The following ADAMTS2 variants were observed in gnomAD, a reference collection of about 807,000 sequenced individuals.
ADAMTS2 encodes ADAM metallopeptidase with thrombospondin type 1 motif 2.
Under a neutral mutation model 123.0 loss-of-function variants are expected in ADAMTS2, and 50 were observed. That is an observed-to-expected ratio of 0.41 (90% CI 0.32 to 0.51). The LOEUF (loss-of-function observed/expected upper bound fraction) is 0.51, where lower values mean the gene tolerates loss of function less well. Ranked by LOEUF, ADAMTS2 falls within the 20% of genes least tolerant of loss-of-function variation. The pLI is 0.35. For synonymous variants in ADAMTS2, 678 were observed against 695.4 expected (o/e 0.98, Z 0.39); for missense variants, 1,494 against 1,705.2 (o/e 0.88, Z 2.18).
At chr5:179,336,167 G>C (rs55837443) in intron 2 of ADAMTS2, among the ~76,000 whole-genome samples, 38,538 of 152,100 alleles carry the variant, frequency 0.25, 4,904 homozygotes, top group Admixed American at 0.3. Context: ...GCGGGTCTCA[G>C]GCCCCGGCCC....
intron 2 of ADAMTS2, among the ~76,000 whole-genome samples, chr5:179,339,534 G>A (rs1167896898): frequency 1.3e-5 from 2 of 152,210 alleles, no homozygotes; most frequent in Non-Finnish European, 2.9e-5. Context: ...CACTTAAACT[G>A]AGCAAGTCTT....
chr5:179,311,741 T>C (rs1439922179), intron 2 of ADAMTS2, among the ~76,000 whole-genome samples: 2 of 151,884 alleles, frequency 1.3e-5, no homozygotes, highest in Non-Finnish European at 2.9e-5. Flanking sequence ...TCTTAGTAAT[T>C]CCCCATCCCC....
chr5:179,225,955 G>A lies in ADAMTS2; in HGVS notation c.689-18240C>T, dbSNP rs369062942. ...AGACAGCTAAAGTAAAAGAGCACAT[G>A]CAGCACACGCCCACTGGGGCTTCAG... is the stretch of plus-strand genomic sequence containing the variant. On this transcript the variant is annotated intron_variant, in intron 3 of 21. Coordinates refer to ENST00000251582, the MANE Select transcript of ADAMTS2 (RefSeq NM_014244.5). The surrounding 1 kb of genome is among the most constrained non-coding windows in gnomAD (Gnocchi z 4.5). 1.4e-4 allele frequency among the ~76,000 whole-genome samples: 22 copies of A among 152,280 alleles called. No homozygotes were observed. In the East Asian group the frequency reaches 4.3e-3, roughly 29 times the overall value.
At chr5:179,309,427 C>T (rs1259966239) in intron 2 of ADAMTS2, among the ~76,000 whole-genome samples, 9 of 152,228 alleles carry the variant, frequency 5.9e-5, no homozygotes, top group African/African-American at 1.9e-4. Flanking sequence ...TCTAACTGTG[C>T]ACAGCTTCCT....
chr5:179,113,712 T>C lies in ADAMTS2; in HGVS notation c.*155A>G. ...TGCTAACCTAGTTACCACATGCTCA[T>C]GCCTATCTTTCTTACGTCATTCCCC... On this transcript the variant is annotated 3_prime_UTR_variant, in exon 22 of 22. Transcript: ENST00000251582. 1 of 778,484 alleles carries C rather than the reference T, an allele frequency of 1.3e-6. No homozygotes were observed. Among genetic ancestry groups the C allele is most frequent in the Non-Finnish European group, 2.1e-6 (1 of 467,200 alleles). The allele number at this position is 778,484 out of a possible 1,614,324, so 48.2% of individuals were successfully genotyped here.
chr5:179,133,276 AT>A (rs1047604643), intron 13 of ADAMTS2, among the ~76,000 whole-genome samples: 1 of 150,850 alleles, frequency 6.6e-6, no homozygotes, highest in Non-Finnish European at 1.5e-5. Context: ...TTATTTTTAC[AT>A]TTTTTTTTGA....
At chr5:179,304,316 C>G (rs886371505) in intron 2 of ADAMTS2, among the ~76,000 whole-genome samples, 10 of 152,130 alleles carry the variant, frequency 6.6e-5, no homozygotes, top group Non-Finnish European at 1.3e-4. Context: ...ACTTGGCATA[C>G]CAAGAACCAG....
chr5:179,232,297 T>A (rs1176848491), intron 3 of ADAMTS2, among the ~76,000 whole-genome samples: 7 of 152,242 alleles, frequency 4.6e-5, no homozygotes, highest in Non-Finnish European at 1.0e-4. Flanking sequence ...ACGGGATCCC[T>A]GACAGACAGA....
intron 2 of ADAMTS2, among the ~76,000 whole-genome samples, chr5:179,333,596 G>GT (rs1219136980): frequency 0.24 from 25,189 of 105,924 alleles, 3,373 homozygotes; most frequent in Non-Finnish European, 0.29. Context: ...GTTTTTTTCT[G>GT]TTTTTTTTTT....
In ADAMTS2 at chr5:179,132,984, C is replaced by T. The variant is rs1042087332; in HGVS notation, c.2086-84G>A. 6.5e-7 allele frequency: 1 copy of T among 1,549,716 alleles called. No homozygotes were observed. The highest frequency in any genetic ancestry group is 1.4e-5 in the African/African-American group (1 of 73,364). On this transcript the variant is annotated intron_variant, in intron 13 of 21. Transcript: ENST00000251582. The surrounding 1 kb of genome is among the most constrained non-coding windows in gnomAD (Gnocchi z 6.1). Reference sequence around the variant, plus strand: ...ACTATGTTGCCCCCAGTCTCGAACACCTGGCCTCAAGCGATCCTCCTGCCT... The same window carrying T: ...ACTATGTTGCCCCCAGTCTCGAACATCTGGCCTCAAGCGATCCTCCTGCCT...
chr5:179,201,301 G>C (rs1268296109), intron 4 of ADAMTS2, among the ~76,000 whole-genome samples: 1 of 152,216 alleles, frequency 6.6e-6, no homozygotes, highest in South Asian at 2.1e-4. Flanking sequence ...GATACAGTTA[G>C]TGGCATGTCT....
At chr5:179,320,181 C>G (rs186340004) in intron 2 of ADAMTS2, among the ~76,000 whole-genome samples, 4 of 152,186 alleles carry the variant, frequency 2.6e-5, no homozygotes, top group African/African-American at 9.6e-5. Flanking sequence ...ATGTCTGCCT[C>G]GTGTCCTTCT....
Position 179,197,696 on chromosome 5 carries a change from G to C in ADAMTS2, c.891+9817C>G, listed in dbSNP as rs1764457223. On this transcript the variant is annotated intron_variant, in intron 4 of 21. Coordinates refer to ENST00000251582, the MANE Select transcript of ADAMTS2 (RefSeq NM_014244.5). This position sits in a 1 kb window ranked among gnomAD's most constrained non-coding sequence, Gnocchi z 4.2. ...CGCTCCAGCCTGGGTGACTGAGTGA[G>C]ACCCTGTCTCAAAAAAGAAAAAAAT... is the stretch of plus-strand genomic sequence containing the variant. Among the ~76,000 whole-genome samples, 1 of 152,108 alleles carries C rather than the reference G, an allele frequency of 6.6e-6. No individual in the cohort carries two copies. The highest frequency in any genetic ancestry group is 2.4e-5 in the African/African-American group (1 of 41,400).
At position 179,129,918 on chromosome 5, in the gene ADAMTS2, C is replaced by G; in HGVS notation, c.2457+14G>C. On this transcript the variant is annotated intron_variant, in intron 16 of 21. Coordinates refer to ENST00000251582, the MANE Select transcript of ADAMTS2 (RefSeq NM_014244.5). This position sits in a 1 kb window ranked among gnomAD's most constrained non-coding sequence, Gnocchi z 4.1. ...CCCGCACCCTTCCCTGGGCCCAGCCCTGCTTGGACTCACCAGAACGGTGAT... is the reference window on the plus strand; with the variant it reads ...CCCGCACCCTTCCCTGGGCCCAGCCGTGCTTGGACTCACCAGAACGGTGAT... 6.2e-7 allele frequency: 1 copy of G among 1,613,768 alleles called. No homozygotes were observed. The highest frequency in any genetic ancestry group is 1.3e-5 in the African/African-American group (1 of 75,054).
At chr5:179,211,894 G>A (rs1274255534) in intron 3 of ADAMTS2, among the ~76,000 whole-genome samples, 2 of 152,194 alleles carry the variant, frequency 1.3e-5, no homozygotes, top group Non-Finnish European at 2.9e-5. Flanking sequence ...CAAGGTGGAG[G>A]CGTGTCACCA....
At chr5:179,215,146 T>C (rs762739470) in intron 3 of ADAMTS2, among the ~76,000 whole-genome samples, 2 of 152,198 alleles carry the variant, frequency 1.3e-5, no homozygotes, top group Non-Finnish European at 2.9e-5. Context: ...TCAATGGAGC[T>C]GAATAAAACT....
intron 3 of ADAMTS2, among the ~76,000 whole-genome samples, chr5:179,233,470 G>A (rs1216462514): frequency 2.6e-5 from 4 of 152,160 alleles, no homozygotes; most frequent in African/African-American, 9.7e-5. Context: ...GGTGGATCAC[G>A]AGGTCAGGAG....
chr5:179,301,692 A>G (rs1756522827), intron 2 of ADAMTS2, among the ~76,000 whole-genome samples: 1 of 152,266 alleles, frequency 6.6e-6, no homozygotes, highest in Non-Finnish European at 1.5e-5. Context: ...TCCTTTGTGA[A>G]CCACTGGGCT....
At chr5:179,168,675 A>C (rs2113287252) in intron 5 of ADAMTS2, among the ~76,000 whole-genome samples, 1 of 152,236 alleles carries the variant, frequency 6.6e-6, no homozygotes, top group Middle Eastern at 3.4e-3. Flanking sequence ...ATGATGTTAA[A>C]TTGCTCACCA....
Sources: allele counts gnomAD v4.1 joint callset (sites outside exome capture counted in the v4.1 genomes callset), GRCh38; gene constraint gnomAD v4.1.1; non-coding constraint Gnocchi (gnomAD v3.1); transcripts MANE v1.5; gene names NCBI Gene and HGNC (gene_info 2026-07-23, HGNC 2026-07-21).